ATXN8OS: variants seen among roughly 807,000 people sequenced by gnomAD.
ATXN8OS encodes ATXN8 opposite strand (non-protein coding).
intron 2 of ATXN8OS, among the ~76,000 whole-genome samples, chr13:70,128,443 G>A (rs1298837303): frequency 1.3e-5 from 2 of 151,916 alleles, no homozygotes; most frequent in East Asian, 1.9e-4. Flanking sequence ...GGCTGAACCC[G>A]TAGTTGTACT....
At chr13:70,139,083 G>T (rs996230489) in intron 3 of ATXN8OS, among the ~76,000 whole-genome samples, 1 of 152,084 alleles carries the variant, frequency 6.6e-6, no homozygotes, top group Non-Finnish European at 1.5e-5. Context: ...AGTATGAGAA[G>T]TACCTATCAT....
At chr13:70,153,933 C>A (rs1888905527) in intron 4 of ATXN8OS, among the ~76,000 whole-genome samples, 1 of 152,092 alleles carries the variant, frequency 6.6e-6, no homozygotes, top group Non-Finnish European at 1.5e-5. Flanking sequence ...GCAATCTGCC[C>A]ACCTCAGCCT....
chr13:70,128,737 T>C (rs1888481168), intron 2 of ATXN8OS, among the ~76,000 whole-genome samples: 1 of 152,096 alleles, frequency 6.6e-6, no homozygotes, highest in African/African-American at 2.4e-5. Flanking sequence ...ATTGAGATTC[T>C]TCCCCGCAGT....
Position 70,107,798 on chromosome 13 carries a change from G to A in ATXN8OS, n.19G>A, listed in dbSNP as rs1022325661. On this transcript the variant is annotated non_coding_transcript_exon_variant, in exon 1 of 5. Transcript: ENST00000678624. ...GGGGCCCGGGGGCGGAGGAAGAGGC[G>A]GGATGCGCCCTCTGCACCCCTAGAG... 9.3e-5 allele frequency: 84 copies of A among 901,934 alleles called. No individual in the cohort carries two copies. In the South Asian group the frequency reaches 1.4e-3, roughly 15 times the overall value. The allele number at this position is 901,934 out of a possible 1,614,324, so 55.9% of individuals were successfully genotyped here.
At chr13:70,148,232 G>A (rs1256564044) in intron 4 of ATXN8OS, among the ~76,000 whole-genome samples, 1 of 152,150 alleles carries the variant, frequency 6.6e-6, no homozygotes, top group East Asian at 1.9e-4. Flanking sequence ...ATTCTCTACA[G>A]AGTATAAAAT....
intron 2 of ATXN8OS, among the ~76,000 whole-genome samples, chr13:70,123,305 A>G (rs1350945719): frequency 6.6e-6 from 1 of 152,176 alleles, no homozygotes; most frequent in Non-Finnish European, 1.5e-5. Flanking sequence ...TGGCAATTTT[A>G]GATTATTACA....
chr13:70,121,704 T>A (rs1161394520), intron 2 of ATXN8OS, among the ~76,000 whole-genome samples: 2 of 152,084 alleles, frequency 1.3e-5, no homozygotes, highest in East Asian at 3.9e-4. Context: ...CACAAGAAAT[T>A]GTATATTCTC....
chr13:70,112,920 A>ATATATTT (rs1555298511), intron 1 of ATXN8OS, among the ~76,000 whole-genome samples: 32,141 of 85,776 alleles, frequency 0.37, 6,109 homozygotes, highest in South Asian at 0.54. Flanking sequence ...TATATATATA[A>ATATATTT]TTTTTTTTTT....
intron 3 of ATXN8OS, among the ~76,000 whole-genome samples, chr13:70,136,536 A>G (rs1240497007): frequency 2.6e-5 from 4 of 152,022 alleles, no homozygotes; most frequent in African/African-American, 9.7e-5. Flanking sequence ...CATTTGCCCA[A>G]GCTAAATCTT....
At chr13:70,152,983 A>T (rs553875198) in intron 4 of ATXN8OS, among the ~76,000 whole-genome samples, 2 of 147,912 alleles carry the variant, frequency 1.4e-5, no homozygotes, top group South Asian at 2.2e-4. Context: ...AAGAAGGAGA[A>T]ATAGAGAGTT....
At chr13:70,115,026 ACG>A (rs1888253323) in intron 1 of ATXN8OS, 1 of 366,100 alleles carries the variant, frequency 2.7e-6, no homozygotes, top group Non-Finnish European at 4.8e-6. Flanking sequence ...TCTCTTTCTA[ACG>A]TGTGTGTGTG....
chr13:70,154,137 A>G (rs1381215668), intron 4 of ATXN8OS, among the ~76,000 whole-genome samples: 1 of 152,202 alleles, frequency 6.6e-6, no homozygotes, highest in Non-Finnish European at 1.5e-5. Flanking sequence ...GGGCGAGCAC[A>G]CACAGTTTTA....
At chr13:70,146,075 AAAAC>A (rs1888782176) in intron 3 of ATXN8OS, among the ~76,000 whole-genome samples, 1 of 128,024 alleles carries the variant, frequency 7.8e-6, no homozygotes, top group Non-Finnish European at 1.7e-5. Context: ...AGAAAAAAAA[AAAAC>A]AACCCCATCA....
At chr13:70,112,920 A>ATATATATATATATATT (rs1555298511) in intron 1 of ATXN8OS, among the ~76,000 whole-genome samples, 1 of 87,590 alleles carries the variant, frequency 1.1e-5, no homozygotes, top group African/African-American at 4.4e-5. Flanking sequence ...TATATATATA[A>ATATATATATATATATT]TTTTTTTTTT....
chr13:70,140,658 G>T (rs1484761347), intron 3 of ATXN8OS, among the ~76,000 whole-genome samples: 1 of 152,062 alleles, frequency 6.6e-6, no homozygotes, highest in African/African-American at 2.4e-5. Flanking sequence ...TCCTCTGAAT[G>T]TGTATTCCTC....
chr13:70,156,216 T>A (rs1239696013), intron 4 of ATXN8OS, among the ~76,000 whole-genome samples: 1 of 150,622 alleles, frequency 6.6e-6, no homozygotes, highest in African/African-American at 2.4e-5. Context: ...CAGACTTGAG[T>A]GAGCACAGGT....
At chr13:70,131,793 C>T (rs776501205) in intron 3 of ATXN8OS, among the ~76,000 whole-genome samples, 1 of 152,114 alleles carries the variant, frequency 6.6e-6, no homozygotes, top group Non-Finnish European at 1.5e-5. Context: ...CCTCTCACTG[C>T]CATGTTCTGT....
At chr13:70,135,640 AT>A (rs1454775359) in intron 3 of ATXN8OS, among the ~76,000 whole-genome samples, 1 of 144,456 alleles carries the variant, frequency 6.9e-6, no homozygotes, top group Non-Finnish European at 1.6e-5. Context: ...TTTTTCTTAC[AT>A]TCCTTTCCCT....
At chr13:70,108,215 C>G (rs1448990992) in intron 1 of ATXN8OS, 1 of 394,280 alleles carries the variant, frequency 2.5e-6, no homozygotes, top group Non-Finnish European at 4.5e-6. Flanking sequence ...AGCCCCAAGT[C>G]TCGAGGAAGC....
Sources: allele counts gnomAD v4.1 joint callset (sites outside exome capture counted in the v4.1 genomes callset), GRCh38; gene constraint gnomAD v4.1.1; transcripts MANE v1.5; gene names NCBI Gene and HGNC (gene_info 2026-07-23, HGNC 2026-07-21).